CTPS2: variants seen among roughly 807,000 people sequenced by gnomAD.
CTPS2 encodes the protein CTP synthase II.
A neutral mutation model predicts 46.8 loss-of-function variants in CTPS2; 19 were observed. The observed-to-expected ratio is 0.41, with a 90% CI of 0.28 to 0.60. The LOEUF (loss-of-function observed/expected upper bound fraction) is 0.60, where lower values mean the gene tolerates loss of function less well. Ranked by LOEUF, CTPS2 falls within the 20% of genes least tolerant of loss-of-function variation. The probability of loss-of-function intolerance (pLI) is 0.35; values close to 1 mark genes in which losing one functional copy is unlikely to be tolerated. For missense variants in CTPS2, 286 were observed against 447.6 expected, an observed-to-expected ratio of 0.64 and a Z score of 3.26; for synonymous variants, 151 against 165.2, an observed-to-expected ratio of 0.91 and a Z score of 0.66.
intron 1 of CTPS2, among the ~76,000 whole-genome samples, chrX:16,710,044 C>T (rs1176164347): frequency 9.2e-6 from 1 of 109,159 alleles, no homozygotes; most frequent in Non-Finnish European, 1.9e-5. Context: ...CCCTCATACT[C>T]CCCCAAGGCA....
At chrX:16,646,257 G>T (rs1172259516) in intron 13 of CTPS2, among the ~76,000 whole-genome samples, 1 of 112,319 alleles carries the variant, frequency 8.9e-6, no homozygotes, top group East Asian at 2.8e-4. Context: ...TGCAGGCTGG[G>T]CCTGAACTTG....
In CTPS2 at chrX:16,589,436, G is replaced by C. The variant is rs1309188741; in HGVS notation, c.*381C>G. On this transcript the variant is annotated 3_prime_UTR_variant, in exon 19 of 19. Coordinates refer to ENST00000359276, the MANE Select transcript of CTPS2 (RefSeq NM_175859.3). Reference sequence around the variant, plus strand: ...TCTTACTCAAAATTACTTACAGCATGTTCCCTGCCATCCTTTCCATACAAC... The same window carrying C: ...TCTTACTCAAAATTACTTACAGCATCTTCCCTGCCATCCTTTCCATACAAC... 1.8e-5 allele frequency: 2 copies of C among 112,369 alleles called. No homozygotes were observed. Among genetic ancestry groups the C allele is most frequent in the Non-Finnish European group, 3.8e-5 (2 of 53,308 alleles). The allele number at this position is 112,369 out of a possible 1,213,427, so 9.3% of individuals were successfully genotyped here. A position where few individuals can be genotyped will look rare whatever the true frequency, so the allele number is the denominator to read the frequency against.
chrX:16,692,503 G>A (rs1328138807), intron 6 of CTPS2, among the ~76,000 whole-genome samples: 3 of 110,793 alleles, frequency 2.7e-5, no homozygotes, highest in African/African-American at 9.9e-5. Context: ...CCATCACAGG[G>A]TTATCATTGA....
intron 14 of CTPS2, among the ~76,000 whole-genome samples, chrX:16,636,195 T>C (rs994789406): frequency 1.9e-5 from 2 of 106,891 alleles, no homozygotes; most frequent in African/African-American, 6.8e-5. Context: ...AGGTCAGGAG[T>C]TCGAGACCAG....
At chrX:16,681,812 G>A (rs1319196401) in intron 9 of CTPS2, among the ~76,000 whole-genome samples, 1 of 111,662 alleles carries the variant, frequency 9.0e-6, no homozygotes, top group Non-Finnish European at 1.9e-5. Flanking sequence ...GCCTCCCAAA[G>A]GGCTGGGATT....
chrX:16,658,068 T>C (rs1429941032), intron 13 of CTPS2, among the ~76,000 whole-genome samples: 1 of 110,202 alleles, frequency 9.1e-6, no homozygotes, highest in Non-Finnish European at 1.9e-5. Context: ...TAGCCAGGCA[T>C]AGTGGCGCAC....
intron 13 of CTPS2, among the ~76,000 whole-genome samples, chrX:16,645,416 G>A: frequency 9.0e-6 from 1 of 110,942 alleles, no homozygotes; most frequent in Non-Finnish European, 1.9e-5. Flanking sequence ...TTGCAGGTGA[G>A]TCTCTTCAGC....
chrX:16,632,303 A>G (rs1931514727), intron 14 of CTPS2, among the ~76,000 whole-genome samples: 1 of 112,362 alleles, frequency 8.9e-6, no homozygotes, highest in Non-Finnish European at 1.9e-5. Context: ...TTTTAAAAGG[A>G]GAAAAATGAG....
chrX:16,685,226 T>C lies in CTPS2; in HGVS notation c.873-2000A>G, dbSNP rs376044759. On this transcript the variant is annotated intron_variant, in intron 8 of 18. Coordinates refer to ENST00000359276, the MANE Select transcript of CTPS2 (RefSeq NM_175859.3). ...GCTTCACCCCCTTCTCCCTCCTCCA[T>C]AGACAGAAGAGACAACATCAGCTCT... 8.0e-5 allele frequency among the ~76,000 whole-genome samples: 9 copies of C among 111,884 alleles called. No homozygotes were observed. The East Asian group carries it at 8.5e-4, about 11-fold the overall frequency.
intron 17 of CTPS2, among the ~76,000 whole-genome samples, chrX:16,603,699 G>T: frequency 9.0e-6 from 1 of 110,561 alleles, no homozygotes; most frequent in Non-Finnish European, 1.9e-5. Context: ...TGTTAGGCTG[G>T]TGGGTTTGTG....
rs56794396 is a variant in CTPS2, at chrX:16,599,476, C to CT, written c.1692-8615dup. On this transcript the variant is annotated intron_variant, in intron 17 of 18. Coordinates refer to ENST00000359276, the MANE Select transcript of CTPS2 (RefSeq NM_175859.3). ...TTTTCTTTTTCTTTTTCTTTTTTTT[C>CT]TTTTTTTTTTTTTTTTTGAGACAGT... Among the ~76,000 whole-genome samples the CT allele has an allele frequency of 5.7e-3, 491 of 86,141 alleles. 4 individuals are homozygous for CT. The highest frequency in any genetic ancestry group is 0.02 in the East Asian group (57 of 2,860). The allele number at this position is 86,141 out of a possible 115,157, so 74.8% of individuals were successfully genotyped here. A position where few individuals can be genotyped will look rare whatever the true frequency, so the allele number is the denominator to read the frequency against.
At chrX:16,651,188 GGGGA>G (rs1287367571) in intron 13 of CTPS2, 36 of 1,019,185 alleles carry the variant, frequency 3.5e-5, no homozygotes, top group East Asian at 9.2e-5. Context: ...GATGGTGGGA[GGGGA>G]GGGAGGGAGG....
intron 9 of CTPS2, 25 bp downstream of exon 9, chrX:16,683,069 G>C: frequency 8.3e-7 from 1 of 1,208,287 alleles, no homozygotes; most frequent in African/African-American, 1.7e-5. Flanking sequence ...TACTGAGATA[G>C]CCAAAAGACC....
Position 16,590,805 on chromosome X carries a change from C to T in CTPS2, c.1749G>A (p.Leu583=), listed in dbSNP as rs773775021. Reference sequence around the variant, plus strand: ...TCATGTATTCATTTCAGCTTATTTCCAACTCAGCTATCCTTGGCTCTGAAA... The same window carrying T: ...TCATGTATTCATTTCAGCTTATTTCTAACTCAGCTATCCTTGGCTCTGAAA... ...DSFSEPRIAE[L]EIS The change falls in exon 18 of 19, where the codon TTG becomes TTA. Residue 583 remains leucine, a synonymous_variant. Coordinates refer to ENST00000359276, the MANE Select transcript of CTPS2 (RefSeq NM_175859.3). The T allele has an allele frequency of 9.2e-6, 11 of 1,196,265 alleles. No homozygotes were observed. Among genetic ancestry groups the T allele is most frequent in the Non-Finnish European group, 1.2e-5 (11 of 883,875 alleles).
At chrX:16,711,332 C>T (rs1602308682) in intron 1 of CTPS2, among the ~76,000 whole-genome samples, 1 of 111,662 alleles carries the variant, frequency 9.0e-6, no homozygotes, top group East Asian at 2.8e-4. Context: ...GGTGCCTGTA[C>T]TCAGAGCACA....
chrX:16,652,826 A>T (rs750382816), intron 13 of CTPS2, among the ~76,000 whole-genome samples: 1 of 112,053 alleles, frequency 8.9e-6, no homozygotes, highest in Non-Finnish European at 1.9e-5. Context: ...TACTCTGTTT[A>T]CATATATCAT....
intron 13 of CTPS2, among the ~76,000 whole-genome samples, chrX:16,639,825 GAAA>G (rs1306932690): frequency 9.6e-6 from 1 of 103,820 alleles, no homozygotes; most frequent in African/African-American, 3.6e-5. Flanking sequence ...AAGAAAGAAA[GAAA>G]GAAGAAAAGA....
At chrX:16,661,108 A>G (rs12558494) in intron 13 of CTPS2, among the ~76,000 whole-genome samples, 14,823 of 109,827 alleles carry the variant, frequency 0.13, 756 homozygotes, top group East Asian at 0.17. Context: ...ACAGGCACCC[A>G]CTACCACGCT....
In CTPS2 at chrX:16,669,250, C is replaced by T. The variant is rs771960675; in HGVS notation, c.1189+1330G>A. Reference sequence around the variant, plus strand: ...ACAGGGATGCTCCCAGACCCAGCTCCGCCTTCACTGCAGTTCACCAATTCT... The same window carrying T: ...ACAGGGATGCTCCCAGACCCAGCTCTGCCTTCACTGCAGTTCACCAATTCT... On this transcript the variant is annotated intron_variant, in intron 11 of 18. Transcript: ENST00000359276. 1.2e-4 allele frequency among the ~76,000 whole-genome samples: 13 copies of T among 111,520 alleles called. 1 individual carries two copies. In the South Asian group the frequency reaches 4.9e-3, roughly 42 times the overall value.
Sources: allele counts gnomAD v4.1 joint callset (sites outside exome capture counted in the v4.1 genomes callset), GRCh38; gene constraint gnomAD v4.1.1; transcripts MANE v1.5; gene names NCBI Gene and HGNC (gene_info 2026-07-23, HGNC 2026-07-21).